The following PRKG1 variants were observed in gnomAD, a reference collection of about 807,000 sequenced individuals.
The protein encoded by PRKG1 is protein kinase cGMP-dependent 1, also known as cGMP-dependent protein kinase 1.
PRKG1 carries 35 observed loss-of-function variants against 88.1 expected under a neutral mutation model. That is an observed-to-expected ratio of 0.40 (90% confidence interval 0.30 to 0.53). The LOEUF (loss-of-function observed/expected upper bound fraction) is 0.53, where lower values mean the gene tolerates loss of function less well. Ranked by LOEUF, PRKG1 falls within the 20% of genes least tolerant of loss-of-function variation. The probability of loss-of-function intolerance (pLI) is 0.59; values close to 1 mark genes in which losing one functional copy is unlikely to be tolerated. For synonymous variants in PRKG1, 303 were observed against 292.5 expected, an observed-to-expected ratio of 1.04 and a Z score of -0.37; for missense variants, 540 against 839.8, an observed-to-expected ratio of 0.64 and a Z score of 4.41.
chr10:52,048,851 A>G (rs571951183), intron 5 of PRKG1, among the ~76,000 whole-genome samples: 51 of 152,246 alleles, frequency 3.3e-4, no homozygotes, highest in African/African-American at 1.2e-3. Flanking sequence ...TTCTTATTTG[A>G]AATGAAGAGG....
intron 3 of PRKG1, among the ~76,000 whole-genome samples, chr10:51,734,851 T>C (rs1305936336): frequency 6.6e-6 from 1 of 150,954 alleles, no homozygotes; most frequent in Non-Finnish European, 1.5e-5. Context: ...TCTATTTGTA[T>C]TGTTAGTAAG....
At chr10:51,623,879 G>T (rs1351726253) in intron 3 of PRKG1, among the ~76,000 whole-genome samples, 6 of 152,062 alleles carry the variant, frequency 3.9e-5, no homozygotes, top group African/African-American at 1.4e-4. Flanking sequence ...TGCTTCCCAG[G>T]AAAAGCAGCA....
chr10:51,835,184 A>C (rs1840102793), intron 4 of PRKG1, among the ~76,000 whole-genome samples: 1 of 152,188 alleles, frequency 6.6e-6, no homozygotes, highest in Non-Finnish European at 1.5e-5. Context: ...AGAGGGGACA[A>C]TAGCTTCCGA....
At chr10:51,127,963 T>TG (rs375201641) in intron 1 of PRKG1, among the ~76,000 whole-genome samples, 3 of 150,104 alleles carry the variant, frequency 2.0e-5, no homozygotes, top group African/African-American at 7.5e-5. Flanking sequence ...TGTTCAGGGG[T>TG]GGGGGGCAAG....
chr10:52,089,855 G>T (rs1847009568), intron 7 of PRKG1, among the ~76,000 whole-genome samples: 1 of 114,692 alleles, frequency 8.7e-6, no homozygotes, highest in African/African-American at 3.4e-5. Context: ...CTGTTGCCAG[G>T]CTGGAGTGCA....
chr10:51,688,973 A>C (rs1346114081), intron 3 of PRKG1, among the ~76,000 whole-genome samples: 2 of 152,096 alleles, frequency 1.3e-5, no homozygotes, highest in Non-Finnish European at 2.9e-5. Context: ...TTTTCATGAT[A>C]GTGAGTGGGT....
At chr10:52,040,861 G>A (rs1238765491) in intron 5 of PRKG1, among the ~76,000 whole-genome samples, 2 of 128,244 alleles carry the variant, frequency 1.6e-5, no homozygotes, top group Non-Finnish European at 3.2e-5. Flanking sequence ...TTTGAGATGG[G>A]AGTCTTGCTT....
intron 3 of PRKG1, among the ~76,000 whole-genome samples, chr10:51,478,165 G>T (rs1000373931): frequency 1.3e-5 from 2 of 152,052 alleles, no homozygotes; most frequent in African/African-American, 4.8e-5. Flanking sequence ...ACCTGAGGAG[G>T]CGCCAAGTAT....
At chr10:51,624,339 A>T (rs1839281796) in intron 3 of PRKG1, among the ~76,000 whole-genome samples, 1 of 152,204 alleles carries the variant, frequency 6.6e-6, no homozygotes, top group Admixed American at 6.5e-5. Context: ...AGGAGTAAGG[A>T]AGCTGCTCAA....
chr10:51,393,327 A>G (rs1041886856), intron 2 of PRKG1, among the ~76,000 whole-genome samples: 1 of 149,880 alleles, frequency 6.7e-6, no homozygotes, highest in Admixed American at 6.6e-5. Flanking sequence ...GGCGCTCCTC[A>G]CTTCCTAGAT....
intron 4 of PRKG1, among the ~76,000 whole-genome samples, chr10:51,824,535 T>C (rs1272386306): frequency 6.6e-6 from 1 of 152,162 alleles, no homozygotes; most frequent in Admixed American, 6.6e-5. Flanking sequence ...TTTGTGTTAG[T>C]CCATTTTGCA....
intron 5 of PRKG1, among the ~76,000 whole-genome samples, chr10:51,999,863 A>T (rs991151790): frequency 6.6e-6 from 1 of 152,122 alleles, no homozygotes; most frequent in Admixed American, 6.6e-5. Context: ...ATATTTTTTA[A>T]ACAAAGTTAA....
chr10:51,788,902 G>A (rs890064729), intron 3 of PRKG1, among the ~76,000 whole-genome samples: 6 of 152,124 alleles, frequency 3.9e-5, no homozygotes, highest in African/African-American at 1.2e-4. Flanking sequence ...TTAAGGATAT[G>A]TCAAATATAT....
At chr10:51,316,752 G>T in intron 2 of PRKG1, among the ~76,000 whole-genome samples, 1 of 151,872 alleles carries the variant, frequency 6.6e-6, no homozygotes, top group East Asian at 1.9e-4. Context: ...TATTACGGAC[G>T]CCTTAAAAAT....
At chr10:51,118,887 T>C (rs1472700855) in intron 1 of PRKG1, among the ~76,000 whole-genome samples, 1 of 152,166 alleles carries the variant, frequency 6.6e-6, no homozygotes, top group Non-Finnish European at 1.5e-5. Context: ...AACAGCATAT[T>C]GGTTCTGAAT....
chr10:51,314,614 T>G (rs998710319), intron 2 of PRKG1, among the ~76,000 whole-genome samples: 1 of 152,224 alleles, frequency 6.6e-6, no homozygotes, highest in Non-Finnish European at 1.5e-5. Context: ...TTCCATCTTC[T>G]AAGTATATTG....
chr10:51,582,225 G>A (rs1032757554), intron 3 of PRKG1, among the ~76,000 whole-genome samples: 1 of 152,166 alleles, frequency 6.6e-6, no homozygotes, highest in African/African-American at 2.4e-5. Context: ...TCTTCTCTGA[G>A]AAAATGTATT....
rs376674406 is a variant in PRKG1, at chr10:51,155,896, C to T, written c.478+2566C>T. 1.6e-4 allele frequency among the ~76,000 whole-genome samples: 24 copies of T among 152,048 alleles called. 1 individual carries two copies. In the East Asian group the frequency reaches 2.5e-3, roughly 16 times the overall value. The stretch of plus-strand genomic sequence containing the variant: ...TGTTACTAAAATATCTTCACCAAAA[C>T]GTCTACAGTAGAATAATTTTTGAGC... On this transcript the variant is annotated intron_variant, in intron 2 of 17. Coordinates refer to ENST00000373980, the MANE Select transcript of PRKG1 (RefSeq NM_006258.4).
intron 3 of PRKG1, among the ~76,000 whole-genome samples, chr10:51,641,425 A>T (rs772753788): frequency 5.9e-5 from 9 of 152,178 alleles, no homozygotes; most frequent in Non-Finnish European, 1.2e-4. Context: ...CAGGTAAGGT[A>T]GTGGATAATG....
Sources: allele counts gnomAD v4.1 joint callset (sites outside exome capture counted in the v4.1 genomes callset), GRCh38; gene constraint gnomAD v4.1.1; transcripts MANE v1.5; gene names NCBI Gene and HGNC (gene_info 2026-07-23, HGNC 2026-07-21).